The following ANXA7 variants were observed in gnomAD, a reference collection of about 807,000 sequenced individuals.
The protein encoded by ANXA7 is annexin A7.
In ANXA7, 55 loss-of-function variants were observed where a neutral mutation model predicts 64.9. The observed-to-expected ratio is 0.85, with a 90% CI of 0.68 to 1.06. The LOEUF is 1.06. Ranked by LOEUF, ANXA7 falls within the 50% of genes least tolerant of loss-of-function variation. The probability of loss-of-function intolerance (pLI) is 0.00; values close to 1 mark genes in which losing one functional copy is unlikely to be tolerated. For missense variants in ANXA7, 548 were observed against 582.1 expected (o/e 0.94, Z 0.60); for synonymous variants, 200 against 192.4 (o/e 1.04, Z -0.33).
At chr10:73,406,627 T>C (rs2055762362) in intron 1 of ANXA7, among the ~76,000 whole-genome samples, 1 of 152,166 alleles carries the variant, frequency 6.6e-6, no homozygotes, top group Admixed American at 6.5e-5. Context: ...TGGAGTGCAG[T>C]AGTGTGACAT....
intron 1 of ANXA7, among the ~76,000 whole-genome samples, chr10:73,404,662 G>T (rs1184490188): frequency 6.6e-6 from 1 of 151,466 alleles, no homozygotes; most frequent in East Asian, 1.9e-4. Context: ...TGAAAAGATG[G>T]CTCATGTAAA....
At chr10:73,395,344 A>C (rs2055552476) in intron 5 of ANXA7, among the ~76,000 whole-genome samples, 1 of 152,216 alleles carries the variant, frequency 6.6e-6, no homozygotes, top group African/African-American at 2.4e-5. Context: ...TGAAAATGCT[A>C]GACATTCATG....
Position 73,376,135 on chromosome 10 carries a change from C to A in ANXA7, c.1361G>T (p.Gly454Val). The A allele has an allele frequency of 6.2e-7, 1 of 1,607,066 alleles. No individual in the cohort carries two copies. The highest frequency in any genetic ancestry group is 8.5e-7 in the Non-Finnish European group (1 of 1,177,138). Residue 454 changes from glycine to valine, a missense_variant, in exon 13 of 13, where the codon GGA becomes GTA. Coordinates refer to ENST00000372921, the MANE Select transcript of ANXA7 (RefSeq NM_001156.5). ...LGTMIAGDTS[G>V]DYRRLLLAIV... ...AGCCAGAAGAAGTCTTCGGTAATCT[C>A]CACTCGTGTCACCTGCAATCATTGT...
chr10:73,394,333 C>A lies in ANXA7; in HGVS notation c.435+2186G>T, dbSNP rs193275594. Among the ~76,000 whole-genome samples the A allele has an allele frequency of 6.0e-4, 92 of 152,296 alleles. 1 individual carries two copies. Among genetic ancestry groups the A allele is most frequent in the African/African-American group, 2.1e-3 (88 of 41,538 alleles). ...CCTCAAGGATCTAGAACTAGAAACACCATTTGACCCAGCCATCCCATTACT... is the reference window on the plus strand; with the variant it reads ...CCTCAAGGATCTAGAACTAGAAACAACATTTGACCCAGCCATCCCATTACT... On this transcript the variant is annotated intron_variant, in intron 5 of 12. Coordinates refer to ENST00000372921, the MANE Select transcript of ANXA7 (RefSeq NM_001156.5).
intron 1 of ANXA7, among the ~76,000 whole-genome samples, chr10:73,410,365 G>C (rs1318059013): frequency 1.3e-5 from 2 of 151,964 alleles, no homozygotes; most frequent in Admixed American, 6.6e-5. Context: ...TTTCTCAAAA[G>C]ATACACAAAT....
chr10:73,409,695 G>A (rs1002545916), intron 1 of ANXA7, among the ~76,000 whole-genome samples: 1 of 152,068 alleles, frequency 6.6e-6, no homozygotes, highest in African/African-American at 2.4e-5. Context: ...ACAAAAAACA[G>A]CCTGAATAGC....
intron 12 of ANXA7, among the ~76,000 whole-genome samples, chr10:73,377,894 C>T (rs910122565): frequency 1.2e-4 from 16 of 139,110 alleles, no homozygotes; most frequent in Non-Finnish European, 1.8e-4. Context: ...CCCAGGCTAC[C>T]ACGCCCCGGC....
chr10:73,378,782 C>T, intron 12 of ANXA7, 129 bp downstream of exon 12: 1 of 685,404 alleles, frequency 1.5e-6, no homozygotes, highest in Non-Finnish European at 2.5e-6. Flanking sequence ...CTTTATACCA[C>T]CTCTTTTAGG....
At chr10:73,377,767 G>A (rs901246226) in intron 12 of ANXA7, among the ~76,000 whole-genome samples, 1 of 114,204 alleles carries the variant, frequency 8.8e-6, no homozygotes, top group Non-Finnish European at 1.7e-5. Flanking sequence ...CCGGGGGGTG[G>A]GTGTGGGTGT....
rs1253637272 is a variant in ANXA7 at position 73,387,769 on chromosome 10, C to T, written c.553G>A (p.Ala185Thr). 1 of 1,612,056 alleles carries T rather than the reference C, an allele frequency of 6.2e-7. No individual in the cohort carries two copies. Among genetic ancestry groups the T allele is most frequent in the Admixed American group, 1.7e-5 (1 of 59,870 alleles). ...CGGTTGGCCACCACATCCACAATTG[C>T]CTGCTCATCTGTCCCTGGAAGAACC... The part of the protein sequence containing the change: ...AMKGFGTDEQ[A>T]IVDVVANRSN... The change falls in exon 7 of 13, where the codon GCA becomes ACA. Residue 185 changes from alanine to threonine, a missense_variant. Ala to Thr is a moderately conservative substitution (Grantham distance 58). Coordinates refer to ENST00000372921, the MANE Select transcript of ANXA7 (RefSeq NM_001156.5).
chr10:73,392,997 A>T (rs902398692), intron 5 of ANXA7, among the ~76,000 whole-genome samples: 9 of 152,340 alleles, frequency 5.9e-5, no homozygotes, highest in African/African-American at 2.2e-4. Flanking sequence ...AAGCAACTTC[A>T]GCAAAGTCTC....
Position 73,375,834 on chromosome 10 carries a change from A to G in ANXA7, c.*261T>C. The G allele has an allele frequency of 4.1e-6, 1 of 243,110 alleles. No individual in the cohort carries two copies. The highest frequency in any genetic ancestry group is 7.8e-6 in the Non-Finnish European group (1 of 128,168). 15.1% of individuals were successfully genotyped at this position (243,110 alleles called of 1,614,324 possible). On this transcript the variant is annotated 3_prime_UTR_variant, in exon 13 of 13. Transcript: ENST00000372921. Reference sequence around the variant, plus strand: ...TTGACATCTTGATTAGAATGAAACTAGTAAGAATGAAGGTTTACAAACATT... The same window carrying G: ...TTGACATCTTGATTAGAATGAAACTGGTAAGAATGAAGGTTTACAAACATT...
chr10:73,377,943 G>A (rs1564519678), intron 12 of ANXA7, among the ~76,000 whole-genome samples: 2 of 151,516 alleles, frequency 1.3e-5, no homozygotes, highest in South Asian at 4.2e-4. Context: ...GCGCGCGTGT[G>A]TTTTTTGTAG....
chr10:73,396,441 C>A, intron 5 of ANXA7, 78 bp downstream of exon 5: 1 of 1,056,058 alleles, frequency 9.5e-7, no homozygotes, highest in Non-Finnish European at 1.4e-6. Flanking sequence ...TCCTCCGACC[C>A]ATGGAAACCT....
intron 1 of ANXA7, among the ~76,000 whole-genome samples, chr10:73,410,048 T>C (rs2055815377): frequency 6.6e-6 from 1 of 151,968 alleles, no homozygotes. Context: ...GACCTGAAAC[T>C]ATAAAAATTC....
chr10:73,377,773 GGTGTGTGTGTGT>G (rs368036663), intron 12 of ANXA7, among the ~76,000 whole-genome samples: 3 of 124,822 alleles, frequency 2.4e-5, no homozygotes, highest in Admixed American at 7.8e-5. Flanking sequence ...GGTGGGTGTG[GGTGTGTGTGTGT>G]GTGTGTGTGT....
At chr10:73,396,437 GA>G in intron 5 of ANXA7, 81 bp downstream of exon 5, 3 of 1,003,350 alleles carry the variant, frequency 3.0e-6, no homozygotes, top group Non-Finnish European at 4.5e-6. Context: ...CATTTCCTCC[GA>G]CCCATGGAAA....
At chr10:73,382,819 C>T (rs1227775979) in intron 9 of ANXA7, among the ~76,000 whole-genome samples, 1 of 152,178 alleles carries the variant, frequency 6.6e-6, no homozygotes, top group African/African-American at 2.4e-5. Context: ...CTTCCTGTAG[C>T]ACCTCTATGG....
intron 1 of ANXA7, among the ~76,000 whole-genome samples, chr10:73,406,485 A>C (rs1359526358): frequency 1.3e-5 from 2 of 152,226 alleles, no homozygotes; most frequent in Non-Finnish European, 2.9e-5. Context: ...CAGCTCAAAA[A>C]TCATCAATGA....
Sources: allele counts gnomAD v4.1 joint callset (sites outside exome capture counted in the v4.1 genomes callset), GRCh38; gene constraint gnomAD v4.1.1; transcripts MANE v1.5; gene names NCBI Gene and HGNC (gene_info 2026-07-23, HGNC 2026-07-21).